PRKN: variants seen among roughly 807,000 people sequenced by gnomAD.
PRKN encodes the protein E3 ubiquitin-protein ligase parkin.
In PRKN, 56 loss-of-function variants were observed where a neutral mutation model predicts 59.5. That is an observed-to-expected ratio of 0.94 (90% CI 0.76 to 1.18). PRKN has a LOEUF of 1.18. Among genes scored for constraint, PRKN ranks in the 50% most tolerant of loss-of-function variants. The pLI, the probability that PRKN is intolerant of heterozygous loss-of-function variation, is 0.00. For synonymous variants in PRKN, 250 were observed against 222.1 expected (o/e 1.13, Z -1.12); for missense variants, 657 against 596.4 (o/e 1.10, Z -1.06).
chr6:161,558,674 G>A (rs993624753), intron 8 of PRKN, among the ~76,000 whole-genome samples: 3 of 151,856 alleles, frequency 2.0e-5, no homozygotes, highest in African/African-American at 4.8e-5. Flanking sequence ...CTATAATAAC[G>A]TCAGAGAGGA....
intron 1 of PRKN, among the ~76,000 whole-genome samples, chr6:162,465,218 T>C (rs1286197258): frequency 6.6e-6 from 1 of 152,206 alleles, no homozygotes; most frequent in African/African-American, 2.4e-5. Context: ...CATGCAACTC[T>C]AGGAAGGCGG....
intron 6 of PRKN, among the ~76,000 whole-genome samples, chr6:161,952,507 C>T (rs1392057242): frequency 6.6e-6 from 1 of 151,942 alleles, no homozygotes; most frequent in Admixed American, 6.6e-5. Flanking sequence ...TGGTTTCAGC[C>T]AGTTGGGAGG....
chr6:162,333,920 C>T (rs930871633), intron 2 of PRKN, among the ~76,000 whole-genome samples: 4 of 152,120 alleles, frequency 2.6e-5, no homozygotes, highest in Non-Finnish European at 4.4e-5. Context: ...AACACACAAA[C>T]GAAACGAAAG....
chr6:162,620,913 T>C (rs1782637104), intron 1 of PRKN, among the ~76,000 whole-genome samples: 1 of 152,170 alleles, frequency 6.6e-6, no homozygotes, highest in Admixed American at 6.5e-5. Flanking sequence ...GGGAATAGAA[T>C]TCTATATTTA....
chr6:162,141,163 T>TA (rs144625202), intron 4 of PRKN, among the ~76,000 whole-genome samples: 23,694 of 151,680 alleles, frequency 0.16, 2,309 homozygotes, highest in African/African-American at 0.27. Flanking sequence ...AAAATAAAAA[T>TA]AAAAAAGATT....
At chr6:162,666,204 G>T (rs1422449709) in intron 1 of PRKN, among the ~76,000 whole-genome samples, 6 of 151,574 alleles carry the variant, frequency 4.0e-5, no homozygotes, top group Admixed American at 3.9e-4. Context: ...AGTAGTTTTT[G>T]TTTCTATCAT....
chr6:162,471,094 ATTTT>A (rs1283377795), intron 1 of PRKN, among the ~76,000 whole-genome samples: 1 of 69,938 alleles, frequency 1.4e-5, no homozygotes, highest in Admixed American at 1.5e-4. Context: ...ATTTATTTTC[ATTTT>A]TATTTATTTA....
chr6:162,499,791 T>A (rs1793277310), intron 1 of PRKN, among the ~76,000 whole-genome samples: 1 of 152,146 alleles, frequency 6.6e-6, no homozygotes, highest in Admixed American at 6.6e-5. Context: ...ACATTATTTG[T>A]TTGCTTAGGG....
intron 7 of PRKN, among the ~76,000 whole-genome samples, chr6:161,573,049 G>A (rs866790257): frequency 7.9e-4 from 120 of 152,138 alleles, no homozygotes; most frequent in Non-Finnish European, 1.3e-3. Flanking sequence ...AGAAAAGAGT[G>A]GATAGAAGGC....
At chr6:161,841,425 C>T (rs539348377) in intron 6 of PRKN, among the ~76,000 whole-genome samples, 1 of 151,824 alleles carries the variant, frequency 6.6e-6, no homozygotes, top group Non-Finnish European at 1.5e-5. Context: ...TCTCTGCTCA[C>T]AGTAAACTCC....
At chr6:161,685,475 C>T (rs1441917290) in intron 7 of PRKN, among the ~76,000 whole-genome samples, 2 of 152,232 alleles carry the variant, frequency 1.3e-5, no homozygotes, top group East Asian at 1.9e-4. Flanking sequence ...CCTTTTCAGA[C>T]ATCTAACAGG....
intron 1 of PRKN, among the ~76,000 whole-genome samples, chr6:162,683,381 G>T (rs937886722): frequency 6.6e-6 from 1 of 152,254 alleles, no homozygotes; most frequent in South Asian, 2.1e-4. Context: ...AGCTGTTCTA[G>T]ATAATTGGCA....
chr6:162,008,369 G>A (rs562572709), intron 5 of PRKN, among the ~76,000 whole-genome samples: 2 of 152,144 alleles, frequency 1.3e-5, no homozygotes, highest in Non-Finnish European at 2.9e-5. Flanking sequence ...GGCTACATGA[G>A]CTTCTTACTG....
intron 7 of PRKN, among the ~76,000 whole-genome samples, chr6:161,769,247 T>C (rs1445071250): frequency 1.3e-5 from 2 of 152,222 alleles, no homozygotes; most frequent in African/African-American, 4.8e-5. Context: ...GAATGCATTC[T>C]AAAACTGGTG....
intron 2 of PRKN, among the ~76,000 whole-genome samples, chr6:162,309,546 T>C (rs79590770): frequency 0.015 from 2,359 of 152,286 alleles, 59 homozygotes; most frequent in African/African-American, 0.046. Flanking sequence ...GGGATCTTTA[T>C]CTCAGCTGTC....
Position 162,595,416 on chromosome 6 carries a change from C to T in PRKN, c.7+132246G>A, listed in dbSNP as rs528574600. ...GACTACAGATATGTGCCACCACACC[C>T]GGCTAGTTTTTGTATTTTTAGTAGA... On this transcript the variant is annotated intron_variant, in intron 1 of 11. Transcript: ENST00000366898. Among the ~76,000 whole-genome samples, 24 of 151,884 alleles carry T rather than the reference C, an allele frequency of 1.6e-4. No individual in the cohort carries two copies. The East Asian group carries it at 3.4e-3, about 21-fold the overall frequency.
intron 1 of PRKN, among the ~76,000 whole-genome samples, chr6:162,451,652 T>C (rs1459910391): frequency 6.6e-6 from 1 of 151,994 alleles, no homozygotes; most frequent in Non-Finnish European, 1.5e-5. Flanking sequence ...ATCTGTTAAA[T>C]AAATTTAATA....
intron 2 of PRKN, among the ~76,000 whole-genome samples, chr6:162,420,749 A>C (rs1012486457): frequency 7.9e-5 from 12 of 152,218 alleles, no homozygotes; most frequent in Non-Finnish European, 1.6e-4. Context: ...AAGTGTAAGA[A>C]GCAAAATTAT....
intron 1 of PRKN, among the ~76,000 whole-genome samples, chr6:162,581,128 G>A (rs528111080): frequency 7.2e-5 from 11 of 152,186 alleles, no homozygotes; most frequent in Admixed American, 1.3e-4. Flanking sequence ...AAGATTAAAC[G>A]TATTAAAAGG....
Sources: allele counts gnomAD v4.1 joint callset (sites outside exome capture counted in the v4.1 genomes callset), GRCh38; gene constraint gnomAD v4.1.1; transcripts MANE v1.5; gene names NCBI Gene and HGNC (gene_info 2026-07-23, HGNC 2026-07-21).